Variants in PASK observed in about 807,000 individuals in gnomAD.
The protein encoded by PASK is PAS domain containing serine/threonine kinase.
A neutral mutation model predicts 121.0 loss-of-function variants in PASK; 110 were observed. The ratio of observed to expected loss-of-function variants is 0.91; its 90% CI spans 0.78 to 1.06. The LOEUF (loss-of-function observed/expected upper bound fraction) is 1.06. PASK is among the 50% of genes least tolerant of loss of function. PASK has a pLI of 0.00. For synonymous variants in PASK, 686 were observed against 717.8 expected (o/e 0.96, Z 0.71); for missense variants, 1,643 against 1,702.3 (o/e 0.97, Z 0.61).
In PASK at chr2:241,115,028, C is replaced by G; in HGVS notation, c.3333+15G>C. ...GGCCTGCGTTCACACTAACACGGCTCTGGCCTGCTCTCACTTGTCGGAAGA... is the reference window on the plus strand; with the variant it reads ...GGCCTGCGTTCACACTAACACGGCTGTGGCCTGCTCTCACTTGTCGGAAGA... On this transcript the variant is annotated intron_variant, in intron 14 of 17. Coordinates refer to ENST00000234040, the MANE Select transcript of PASK (RefSeq NM_015148.4). 6.2e-7 allele frequency: 1 copy of G among 1,614,180 alleles called. No homozygotes were observed. The highest frequency in any genetic ancestry group is 8.5e-7 in the Non-Finnish European group (1 of 1,180,000).
At chr2:241,148,551 C>T (rs957016825) in intron 1 of PASK, among the ~76,000 whole-genome samples, 9 of 152,164 alleles carry the variant, frequency 5.9e-5, no homozygotes, top group African/African-American at 2.2e-4. Flanking sequence ...AGTAGGTGGA[C>T]GTGGGCCTGG....
Position 241,142,882 on chromosome 2 carries a change from T to A in PASK, c.151A>T (p.Arg51Trp). The stretch of plus-strand genomic sequence containing the variant: ...TGGCAGAGTCTGGAAAGCCCATTCC[T>A]TCTGCTCAGGTGTCTGTGGGCTGAG... ...FSSAHRHLSR[R>W]NGLSRLCQSR... is the part of the protein sequence containing the mutation. Residue 51 changes from arginine (R) to tryptophan (W), a missense_variant, in exon 2 of 18, where the codon AGG becomes TGG. This residue lies in a region of PASK where 1,176 missense variants were observed against 1,162.2 expected (regional missense o/e 1.01). Transcript: ENST00000234040. 6.2e-7 allele frequency: 1 copy of A among 1,614,104 alleles called. No individual in the cohort carries two copies. The highest frequency in any genetic ancestry group is 1.1e-5 in the South Asian group (1 of 91,086).
chr2:241,107,350 C>T lies in PASK; in HGVS notation c.3814+3G>A, dbSNP rs377378907. ...GGGGTGGAGGGATGCTGAGAAGCCT[C>T]ACCTGGCTTGTTTACTCGAAACACC... On this transcript the variant is annotated splice_donor_region_variant and intron_variant, in intron 17 of 17. Transcript: ENST00000234040. 1 of 1,613,346 alleles carries T rather than the reference C, an allele frequency of 6.2e-7. No individual in the cohort carries two copies. Among genetic ancestry groups the T allele is most frequent in the African/African-American group, 1.3e-5 (1 of 74,878 alleles).
At chr2:241,134,257 C>T (rs531714734) in intron 8 of PASK, 49 of 152,104 alleles carry the variant, frequency 3.2e-4, no homozygotes, top group African/African-American at 1.1e-3. Context: ...GGCATGCATG[C>T]ACAGGTCAGA....
At position 241,106,742 on chromosome 2, in the gene PASK, A is replaced by G. The variant is rs2064899960; in HGVS notation, c.3815-19T>C. 1.2e-6 allele frequency: 2 copies of G among 1,612,848 alleles called. No homozygotes were observed. The highest frequency in any genetic ancestry group is 1.7e-6 in the Non-Finnish European group (2 of 1,178,994). The stretch of plus-strand genomic sequence containing the variant: ...CCACTTTCTGAAGAAACAAGAAGGT[A>G]ACTGTATCACGTGCTAACAACTTAA... On this transcript the variant is annotated intron_variant, in intron 17 of 17. Coordinates refer to ENST00000234040, the MANE Select transcript of PASK (RefSeq NM_015148.4).
At chr2:241,125,599 CAAAAAAAAAGAAAAAAA>C (rs1443699845) in intron 10 of PASK, among the ~76,000 whole-genome samples, 82 of 56,598 alleles carry the variant, frequency 1.4e-3, no homozygotes, top group African/African-American at 5.8e-3. Flanking sequence ...GACTCTGTCT[CAAAAAAAAAGAAAAAAA>C]AAAAAAAAAG....
chr2:241,143,763 C>T (rs1037238049), intron 1 of PASK, among the ~76,000 whole-genome samples: 1 of 152,184 alleles, frequency 6.6e-6, no homozygotes, highest in African/African-American at 2.4e-5. Context: ...ATGGTCTCAG[C>T]TTTCCCCTAA....
chr2:241,150,230 G>C (rs2067221408), upstream of PASK: 2 of 1,279,652 alleles, frequency 1.6e-6, no homozygotes, highest in African/African-American at 3.1e-5. Context: ...TGTGCGTCCC[G>C]CTTCGACTCC....
Position 241,127,724 on chromosome 2 carries a change from G to A in PASK, c.1464-273C>T, listed in dbSNP as rs570885556. ...AGAACTTGCCAATGCTTTGGTCAGCGCTCTCGCTTCATCTCAGGGCCCCCA... is the reference window on the plus strand; with the variant it reads ...AGAACTTGCCAATGCTTTGGTCAGCACTCTCGCTTCATCTCAGGGCCCCCA... On this transcript the variant is annotated intron_variant, in intron 9 of 17. Coordinates refer to ENST00000234040, the MANE Select transcript of PASK (RefSeq NM_015148.4). The A allele has an allele frequency of 3.7e-4, 165 of 449,658 alleles. 3 individuals are homozygous for A. Among genetic ancestry groups the A allele is most frequent in the Middle Eastern group, 2.6e-3 (4 of 1,522 alleles). 27.9% of individuals were successfully genotyped at this position (449,658 alleles called of 1,614,324 possible). A position where few individuals can be genotyped will look rare whatever the true frequency, so the allele number is the denominator to read the frequency against.
At chr2:241,125,911 A>T (rs2065836588) in intron 10 of PASK, among the ~76,000 whole-genome samples, 1 of 152,138 alleles carries the variant, frequency 6.6e-6, no homozygotes, top group African/African-American at 2.4e-5. Flanking sequence ...GGCTGCTGGG[A>T]GGAGCGGCTC....
intron 14 of PASK, chr2:241,113,358 A>G (rs1347882047): frequency 6.6e-6 from 1 of 152,210 alleles, no homozygotes; most frequent in Non-Finnish European, 1.5e-5. Context: ...ATACACATAT[A>G]TACAAACATA....
Position 241,137,961 on chromosome 2 carries a change from T to A in PASK, c.868A>T (p.Ile290Phe), listed in dbSNP as rs1452829760. The A allele has an allele frequency of 2.5e-6, 4 of 1,614,110 alleles. No individual in the cohort carries two copies. Reference protein sequence around the residue: ...SVQLPPSGQHIPKNLKIQRSV... With the variant: ...SVQLPPSGQHFPKNLKIQRSV... ...GAGGTCAGGAGCCCTACCTTTGGGA[T>A]GTGCTGGCCAGAAGGAGGGAGCTGC... The change falls in exon 6 of 18, where the codon ATC becomes TTC. Residue 290 changes from isoleucine (I) to phenylalanine (F), a missense_variant. By Grantham distance (21) the Ile-to-Phe change is conservative. This residue lies in a region of PASK where 1,176 missense variants were observed against 1,162.2 expected (regional missense o/e 1.01). Transcript: ENST00000234040.
intron 9 of PASK, among the ~76,000 whole-genome samples, chr2:241,128,487 C>A (rs573439600): frequency 6.6e-6 from 1 of 152,340 alleles, no homozygotes; most frequent in South Asian, 2.1e-4. Context: ...ACATGACAGA[C>A]TGACACTGGG....
intron 5 of PASK, 121 bp from the exon 6 acceptor site, chr2:241,138,208 C>T: frequency 1.0e-6 from 1 of 968,908 alleles, no homozygotes; most frequent in Non-Finnish European, 1.6e-6. Context: ...ATCGGAAGGG[C>T]AAGAGACATA....
At chr2:241,115,824 AC>A (rs1301013700) in intron 12 of PASK, among the ~76,000 whole-genome samples, 6 of 103,408 alleles carry the variant, frequency 5.8e-5, no homozygotes, top group East Asian at 2.9e-4. Flanking sequence ...ACCAGGGGCC[AC>A]CCAGTCCTCA....
intron 15 of PASK, among the ~76,000 whole-genome samples, chr2:241,110,427 G>A (rs1414622489): frequency 2.0e-5 from 3 of 152,228 alleles, no homozygotes; most frequent in Non-Finnish European, 4.4e-5. Flanking sequence ...TTCATCCAGG[G>A]AGATGGGGAG....
chr2:241,106,725 T>C lies in PASK; in HGVS notation c.3815-2A>G. ...TCGCAGCGGACAGAACTCCACTTTC[T>C]GAAGAAACAAGAAGGTAACTGTATC... is the stretch of plus-strand genomic sequence containing the variant. On this transcript the variant is annotated splice_acceptor_variant, in intron 17 of 17. Coordinates refer to ENST00000234040, the MANE Select transcript of PASK (RefSeq NM_015148.4). LOFTEE classifies it high-confidence loss of function. 4 of 1,613,974 alleles carry C rather than the reference T, an allele frequency of 2.5e-6. No homozygotes were observed. Among genetic ancestry groups the C allele is most frequent in the Non-Finnish European group, 3.4e-6 (4 of 1,179,840 alleles).
chr2:241,143,550 CAAAAAAAA>C (rs1334278226), intron 1 of PASK, among the ~76,000 whole-genome samples: 2 of 115,550 alleles, frequency 1.7e-5, no homozygotes, highest in African/African-American at 6.5e-5. Context: ...GACTCCATGT[CAAAAAAAA>C]AGAAAAAAAA....
chr2:241,115,059 C>T lies in PASK; in HGVS notation c.3317G>A (p.Ser1106Asn), dbSNP rs760698873. ...TGCTCTCACTTGTCGGAAGATGTAGCTCGCCAGGGGCTCATCCAGCCTGGG... is the reference window on the plus strand; with the variant it reads ...TGCTCTCACTTGTCGGAAGATGTAGTTCGCCAGGGGCTCATCCAGCCTGGG... ...RHPRLDEPLASYIFRQLVSAV... is the reference protein window; with the variant it reads ...RHPRLDEPLANYIFRQLVSAV... Residue 1106 changes from serine to asparagine, a missense_variant, in exon 14 of 18, where the codon AGC becomes AAC. Physicochemically the swap from Ser to Asn is conservative, Grantham distance 46. This residue lies in a region of PASK where 453 missense variants were observed against 511.2 expected (regional missense o/e 0.89). Coordinates refer to ENST00000234040, the MANE Select transcript of PASK (RefSeq NM_015148.4). The T allele has an allele frequency of 6.2e-7, 1 of 1,614,038 alleles. No homozygotes were observed. The highest frequency in any genetic ancestry group is 1.3e-5 in the African/African-American group (1 of 74,930).
Sources: gnomAD v4.1 joint callset for allele counts (sites outside exome capture counted in the v4.1 genomes callset) on GRCh38, gnomAD v4.1.1 for gene constraint, gnomAD v4.1.1 regional missense constraint, MANE v1.5 for transcripts, NCBI Gene and HGNC (gene_info 2026-07-23, HGNC 2026-07-21) for gene names.